Variants in TRIT1 observed in about 807,000 individuals in gnomAD.
TRIT1 encodes tRNA dimethylallyltransferase.
A neutral mutation model predicts 51.2 loss-of-function variants in TRIT1; 43 were observed. The observed-to-expected ratio is 0.84, with a 90% CI of 0.66 to 1.08. TRIT1 has a LOEUF of 1.08. Ranked by LOEUF, TRIT1 falls within the 50% of genes least tolerant of loss-of-function variation. The probability of loss-of-function intolerance (pLI) is 0.00; values close to 1 mark genes in which losing one functional copy is unlikely to be tolerated. For synonymous variants in TRIT1, 184 were observed against 203.9 expected (o/e 0.90, Z 0.83); for missense variants, 528 against 578.4 (o/e 0.91, Z 0.89).
rs187565474 is a variant in TRIT1, at chr1:39,876,835, G to C, written c.174+6483C>G. Among the ~76,000 whole-genome samples, 521 of 151,508 alleles carry C rather than the reference G, an allele frequency of 3.4e-3. 1 individual carries two copies. Among genetic ancestry groups the C allele is most frequent in the African/African-American group, 0.012 (475 of 41,248 alleles). On this transcript the variant is annotated intron_variant, in intron 1 of 10. Transcript: ENST00000316891. ...CCCAGCTACTCAGGAGGCTGAGGCA[G>C]GAGAATGGCTAGAACTTGGGAGGCT...
chr1:39,861,982 C>G (rs1038593665), intron 1 of TRIT1, among the ~76,000 whole-genome samples: 1 of 150,136 alleles, frequency 6.7e-6, no homozygotes, highest in African/African-American at 2.4e-5. Context: ...ACACATCCTA[C>G]AACATGGATA....
Position 39,841,569 on chromosome 1 carries a change from T to G in TRIT1, c.*175A>C. 1 of 565,280 alleles carries G rather than the reference T, an allele frequency of 1.8e-6. No homozygotes were observed. Among genetic ancestry groups the G allele is most frequent in the Non-Finnish European group, 2.9e-6 (1 of 340,462 alleles). The allele number at this position is 565,280 out of a possible 1,614,324, so 35.0% of individuals were successfully genotyped here. A position where few individuals can be genotyped will look rare whatever the true frequency, so the allele number is the denominator to read the frequency against. ...CACAAGGAGCTGACAAGACCTGCTG[T>G]TTCTATTATAGAGAACGTGAGACTT... is the stretch of plus-strand genomic sequence containing the variant. On this transcript the variant is annotated 3_prime_UTR_variant, in exon 11 of 11. Transcript: ENST00000316891.
rs921831246 is a variant in TRIT1 at position 39,850,777 on chromosome 1, A to G, written c.561-516T>C. On this transcript the variant is annotated intron_variant, in intron 4 of 10. Coordinates refer to ENST00000316891, the MANE Select transcript of TRIT1 (RefSeq NM_017646.6). ...AGCTTGTTTGGGACACTTTGTAACA[A>G]GCCAACAAGTCTGGTCTGGCTGGCG... Among the ~76,000 whole-genome samples the G allele has an allele frequency of 9.3e-4, 141 of 152,330 alleles. 1 individual carries two copies. Among genetic ancestry groups the G allele is most frequent in the African/African-American group, 3.2e-3 (133 of 41,568 alleles).
At chr1:39,867,214 C>A (rs188312378) in intron 1 of TRIT1, among the ~76,000 whole-genome samples, 1 of 152,148 alleles carries the variant, frequency 6.6e-6, no homozygotes, top group South Asian at 2.1e-4. Flanking sequence ...GGCACAATCT[C>A]GGCTCACCGC....
intron 1 of TRIT1, among the ~76,000 whole-genome samples, chr1:39,865,050 T>C (rs1021048939): frequency 2.0e-5 from 3 of 152,246 alleles, no homozygotes; most frequent in Non-Finnish European, 4.4e-5. Context: ...TAATCACTGC[T>C]TGCTGCCCTC....
At chr1:39,868,708 A>C (rs1643691380) in intron 1 of TRIT1, among the ~76,000 whole-genome samples, 1 of 152,100 alleles carries the variant, frequency 6.6e-6, no homozygotes, top group Non-Finnish European at 1.5e-5. Context: ...CCCGTGGGCA[A>C]AAGATCTGAG....
Position 39,841,711 on chromosome 1 carries a change from C to T in TRIT1, c.*33G>A. 6.3e-7 allele frequency: 1 copy of T among 1,586,910 alleles called. No individual in the cohort carries two copies. The highest frequency in any genetic ancestry group is 1.4e-5 in the African/African-American group (1 of 73,898). ...ACCCCTCCCTCCTGAACTGGATCCC[C>T]ACCACCTTTCCAAAGGCCACTGGAC... On this transcript the variant is annotated 3_prime_UTR_variant, in exon 11 of 11. Coordinates refer to ENST00000316891, the MANE Select transcript of TRIT1 (RefSeq NM_017646.6).
chr1:39,847,852 G>T, intron 6 of TRIT1, 134 bp downstream of exon 6: 1 of 1,360,046 alleles, frequency 7.4e-7, no homozygotes, highest in Non-Finnish European at 1.0e-6. Flanking sequence ...TCCTGGGACT[G>T]TCTGAAAGAT....
intron 1 of TRIT1, among the ~76,000 whole-genome samples, chr1:39,870,330 T>G (rs1235546407): frequency 1.3e-5 from 2 of 151,922 alleles, no homozygotes; most frequent in African/African-American, 4.8e-5. Context: ...TAAAGAGTCA[T>G]CACCACTCCC....
intron 1 of TRIT1, among the ~76,000 whole-genome samples, chr1:39,858,232 C>T (rs1426075104): frequency 6.6e-6 from 1 of 152,152 alleles, no homozygotes; most frequent in Non-Finnish European, 1.5e-5. Context: ...TCCGTAGAGC[C>T]CACAAAGATG....
chr1:39,852,635 C>G (rs920090173), intron 4 of TRIT1, 96 bp downstream of exon 4: 8 of 1,454,338 alleles, frequency 5.5e-6, no homozygotes, highest in Non-Finnish European at 7.5e-6. Context: ...CCACTAACTG[C>G]TATTACCAAA....
rs1642335619 is a variant in TRIT1, at chr1:39,848,011, T to C, written c.790A>G (p.Asn264Asp). ...EELRDFHRRYNQKNVSENSQD... is the reference protein window; with the variant it reads ...EELRDFHRRYDQKNVSENSQD... ...CTATTTTCCGAAACATTCTTCTGATTATAGCGTCTGTGAAAATCTCTTAGT... is the reference window on the plus strand; with the variant it reads ...CTATTTTCCGAAACATTCTTCTGATCATAGCGTCTGTGAAAATCTCTTAGT... Residue 264 changes from asparagine (N) to aspartate (D), a missense_variant, in exon 6 of 11, where the codon AAT (asparagine) becomes GAT (aspartate). By Grantham distance (23) the Asn-to-Asp change is conservative. This residue lies in a region of TRIT1 where 468 missense variants were observed against 522.6 expected (regional missense o/e 0.90). Coordinates refer to ENST00000316891, the MANE Select transcript of TRIT1 (RefSeq NM_017646.6). The C allele has an allele frequency of 1.9e-6, 3 of 1,614,006 alleles. No homozygotes were observed. The African/African-American group carries it at 4.0e-5, about 22-fold the overall frequency.
chr1:39,844,350 T>C, intron 9 of TRIT1, 132 bp from the exon 10 acceptor site: 2 of 879,646 alleles, frequency 2.3e-6, no homozygotes, highest in South Asian at 1.6e-5. Context: ...ATACAGATTT[T>C]AGCAACAACC....
chr1:39,881,408 T>G (rs1406023425), intron 1 of TRIT1, among the ~76,000 whole-genome samples: 1 of 152,188 alleles, frequency 6.6e-6, no homozygotes, highest in Non-Finnish European at 1.5e-5. Context: ...CCATACGTAC[T>G]GCTCACAAAT....
In TRIT1 at chr1:39,838,780, C is replaced by T. The variant is rs550305751; in HGVS notation, c.*2964G>A. ...TTACCCAAAGCGTTGGGATTACAGG[C>T]GTGAGCCACCACTCCCGGACTGTTA... On this transcript the variant is annotated 3_prime_UTR_variant, in exon 11 of 11. Transcript: ENST00000316891. 4.1e-4 allele frequency among the ~76,000 whole-genome samples: 62 copies of T among 152,268 alleles called. No homozygotes were observed. The South Asian group carries it at 7.0e-3, about 17-fold the overall frequency.
In TRIT1 at chr1:39,881,243, A is replaced by G. The variant is rs567236299; in HGVS notation, c.174+2075T>C. On this transcript the variant is annotated intron_variant, in intron 1 of 10. Coordinates refer to ENST00000316891, the MANE Select transcript of TRIT1 (RefSeq NM_017646.6). Reference sequence around the variant, plus strand: ...CTCTGTCTCCAAAAAAAAAAAAAAAAAAGAAGAAAGAAATGATAGAACATA... The same window carrying G: ...CTCTGTCTCCAAAAAAAAAAAAAAAGAAGAAGAAAGAAATGATAGAACATA... Among the ~76,000 whole-genome samples, 469 of 151,880 alleles carry G rather than the reference A, an allele frequency of 3.1e-3. 2 individuals are homozygous for G. The highest frequency in any genetic ancestry group is 7.4e-3 in the African/African-American group (306 of 41,426).
At chr1:39,880,967 T>G (rs945266890) in intron 1 of TRIT1, among the ~76,000 whole-genome samples, 2 of 151,500 alleles carry the variant, frequency 1.3e-5, no homozygotes, top group African/African-American at 2.4e-5. Flanking sequence ...CCTGTAATCC[T>G]AGCACTTTGG....
At chr1:39,843,523 C>A (rs950592628) in intron 10 of TRIT1, among the ~76,000 whole-genome samples, 1 of 152,116 alleles carries the variant, frequency 6.6e-6, no homozygotes, top group Admixed American at 6.5e-5. Context: ...GGGAACTAAC[C>A]TTCTTTATAC....
chr1:39,844,257 G>C, intron 9 of TRIT1, 39 bp from the exon 10 acceptor site: 1 of 1,487,438 alleles, frequency 6.7e-7, no homozygotes, highest in Non-Finnish European at 9.4e-7. Context: ...TCAATTCAAA[G>C]AGATCTGGAT....
Sources: gnomAD v4.1 joint callset for allele counts (sites outside exome capture counted in the v4.1 genomes callset) on GRCh38, gnomAD v4.1.1 for gene constraint, gnomAD v4.1.1 regional missense constraint, MANE v1.5 for transcripts, NCBI Gene and HGNC (gene_info 2026-07-23, HGNC 2026-07-21) for gene names.